Variants in HDAC5 observed in about 807,000 individuals in gnomAD.
The protein encoded by HDAC5 is antigen NY-CO-9.
In HDAC5, 25 loss-of-function variants were observed where a neutral mutation model predicts 133.3. That is an observed-to-expected ratio of 0.19 (90% CI 0.14 to 0.26). The LOEUF is 0.26. Ranked by LOEUF, HDAC5 falls within the 10% of genes least tolerant of loss-of-function variation. HDAC5 has a pLI of 1.00. For missense variants in HDAC5, 1,041 were observed against 1,460.5 expected, an observed-to-expected ratio of 0.71 and a Z score of 4.68; for synonymous variants, 589 against 610.8, an observed-to-expected ratio of 0.96 and a Z score of 0.53.
chr17:44,105,748 C>A (rs1210859827), intron 3 of HDAC5, among the ~76,000 whole-genome samples: 2 of 152,196 alleles, frequency 1.3e-5, no homozygotes, highest in African/African-American at 4.8e-5. Flanking sequence ...GACAGCCTCC[C>A]TCCTCCTGTA....
At position 44,092,709 on chromosome 17, in the gene HDAC5, C is replaced by T. The variant is rs746898641; in HGVS notation, c.739G>A (p.Asp247Asn). The change falls in exon 7 of 27, where the codon GAC (aspartate) becomes AAC (asparagine). Residue 247 changes from aspartate to asparagine, a missense_variant. Asp to Asn is a conservative substitution (Grantham distance 23). Around this residue, in one of 9 missense-constraint regions of HDAC5, gnomAD observed 56 missense variants for 41.3 expected, o/e 1.36. Transcript: ENST00000682912. ...SYKLPLPGPY[D>N]SRDDFPLRKT... ...CGGAGGGGGAAGTCGTCTCGACTGT[C>T]GTAGGGCCCAGGCAAAGGCAGTTTG... is the stretch of plus-strand genomic sequence containing the variant. 7.3e-6 allele frequency: 11 copies of T among 1,502,710 alleles called. No individual in the cohort carries two copies. The highest frequency in any genetic ancestry group is 2.8e-5 in the African/African-American group (2 of 70,528). 93.1% of individuals were successfully genotyped at this position (1,502,710 alleles called of 1,614,324 possible). A position where few individuals can be genotyped will look rare whatever the true frequency, so the allele number is the denominator to read the frequency against.
chr17:44,079,990 G>T, intron 23 of HDAC5, 117 bp downstream of exon 23: 1 of 786,442 alleles, frequency 1.3e-6, no homozygotes, highest in Non-Finnish European at 2.2e-6. Flanking sequence ...CCAAGTCTAG[G>T]CCCTGCCCCC....
chr17:44,119,982 GAC>G (rs2052886356), intron 1 of HDAC5: 7 of 152,214 alleles, frequency 4.6e-5, no homozygotes, highest in Admixed American at 4.6e-4. Context: ...CTTTCTTCCA[GAC>G]AGACCCCTAC....
intron 3 of HDAC5, among the ~76,000 whole-genome samples, chr17:44,097,548 C>T (rs933550860): frequency 6.6e-6 from 1 of 152,250 alleles, no homozygotes; most frequent in Non-Finnish European, 1.5e-5. Context: ...AAGGAAATGG[C>T]AGCCAGCTCA....
chr17:44,090,880 G>A (rs1316013300), intron 11 of HDAC5, among the ~76,000 whole-genome samples: 3 of 151,924 alleles, frequency 2.0e-5, no homozygotes, highest in Non-Finnish European at 2.9e-5. Context: ...TAGTAGAGAC[G>A]GGGTTTCACC....
At chr17:44,107,941 C>T (rs1039152096) in intron 3 of HDAC5, among the ~76,000 whole-genome samples, 1 of 152,130 alleles carries the variant, frequency 6.6e-6, no homozygotes, top group African/African-American at 2.4e-5. Context: ...GGCATCAGCT[C>T]CACCCAGTAC....
intron 3 of HDAC5, among the ~76,000 whole-genome samples, chr17:44,094,925 A>G (rs1364494284): frequency 6.6e-6 from 1 of 151,970 alleles, no homozygotes; most frequent in African/African-American, 2.4e-5. Flanking sequence ...CTTCCCAAGT[A>G]GCAGGGATTA....
chr17:44,088,904 C>T (rs2050796849), intron 11 of HDAC5, among the ~76,000 whole-genome samples: 1 of 152,044 alleles, frequency 6.6e-6, no homozygotes, highest in Admixed American at 6.6e-5. Flanking sequence ...GCCCTCTGAA[C>T]GAACAATGAC....
At chr17:44,090,978 C>T (rs745744474) in intron 11 of HDAC5, among the ~76,000 whole-genome samples, 19 of 152,204 alleles carry the variant, frequency 1.2e-4, no homozygotes, top group Non-Finnish European at 2.2e-4. Flanking sequence ...CGTGATCCAC[C>T]GCGCCCGGCC....
At chr17:44,078,725 C>G (rs1006787252) in intron 25 of HDAC5, 60 bp from the exon 26 acceptor site, 2 of 1,610,428 alleles carry the variant, frequency 1.2e-6, no homozygotes, top group Admixed American at 1.7e-5. Flanking sequence ...ATGAACAGTC[C>G]CAGTCCTGGT....
chr17:44,085,101 T>C lies in HDAC5; in HGVS notation c.2105A>G (p.His702Arg), dbSNP rs1567986614. 6.2e-7 allele frequency: 1 copy of C among 1,606,098 alleles called. No homozygotes were observed. Residue 702 changes from histidine (H) to arginine (R), a missense_variant, in exon 15 of 27, where the codon CAC becomes CGC. By Grantham distance (29) the His-to-Arg change is conservative. Transcript: ENST00000682912. ...CCGGCCAGCATGCTCAGGGTGCACG[T>C]GTGTGTTCCCGCACATGCACTGGTG... The part of the protein sequence containing the change: ...LKHQCMCGNT[H>R]VHPEHAGRIQ...
intron 11 of HDAC5, among the ~76,000 whole-genome samples, chr17:44,090,576 T>A (rs1387383563): frequency 2.0e-5 from 3 of 151,342 alleles, no homozygotes; most frequent in Non-Finnish European, 2.9e-5. Flanking sequence ...GATTTCACCA[T>A]GTTGGCCAGG....
rs2050177857 is a variant in HDAC5, at chr17:44,077,627, T to C, written c.*749A>G. 1 of 152,288 alleles carries C rather than the reference T, an allele frequency of 6.6e-6. No homozygotes were observed. The highest frequency in any genetic ancestry group is 2.4e-5 in the African/African-American group (1 of 41,438). The allele number at this position is 152,288 out of a possible 1,614,324, so 9.4% of individuals were successfully genotyped here. ...GAGTAAGGTGGGGAGCAGACCTGGT[T>C]CTGTTACTCCTCCTGGCCCCTGAGA... On this transcript the variant is annotated 3_prime_UTR_variant, in exon 27 of 27. Transcript: ENST00000682912.
chr17:44,105,582 A>G (rs985700838), intron 3 of HDAC5, among the ~76,000 whole-genome samples: 14 of 152,206 alleles, frequency 9.2e-5, no homozygotes, highest in Admixed American at 9.2e-4. Context: ...TAAGCACAGC[A>G]CAGCCCTGGG....
chr17:44,108,751 C>CAAAAAAAAAA (rs773575696), intron 3 of HDAC5, among the ~76,000 whole-genome samples: 2 of 56,944 alleles, frequency 3.5e-5, no homozygotes, highest in African/African-American at 1.1e-4. Flanking sequence ...TTCCAGAGTC[C>CAAAAAAAAAA]AAAAAAAAAA....
chr17:44,085,266 A>G (rs2050591877), intron 14 of HDAC5, 111 bp from the exon 15 acceptor site: 5 of 1,161,010 alleles, frequency 4.3e-6, no homozygotes, highest in Admixed American at 5.4e-5. Context: ...CCCAGGTCCA[A>G]ACACCTCCCC....
At chr17:44,085,335 T>C (rs2050595675) in intron 14 of HDAC5, 180 bp from the exon 15 acceptor site, 1 of 510,750 alleles carries the variant, frequency 2.0e-6, no homozygotes, top group Non-Finnish European at 3.3e-6. Flanking sequence ...GCTTTTTTTT[T>C]TTTTTCTTTG....
intron 3 of HDAC5, among the ~76,000 whole-genome samples, chr17:44,097,279 G>T (rs976509044): frequency 1.3e-5 from 2 of 152,248 alleles, no homozygotes; most frequent in Admixed American, 6.5e-5. Context: ...GCATGATGTA[G>T]CAGTCCCCAC....
intron 2 of HDAC5, among the ~76,000 whole-genome samples, chr17:44,113,697 T>G (rs1367219917): frequency 1.3e-5 from 2 of 151,992 alleles, no homozygotes; most frequent in East Asian, 3.9e-4. Context: ...ACTCTGCCCC[T>G]CCCTCAAAGG....
Sources: allele counts gnomAD v4.1 joint callset (sites outside exome capture counted in the v4.1 genomes callset), GRCh38; gene constraint gnomAD v4.1.1; regional missense constraint gnomAD v4.1.1; transcripts MANE v1.5; gene names NCBI Gene and HGNC (gene_info 2026-07-23, HGNC 2026-07-21).